PRIMA1: variants seen among roughly 807,000 people sequenced by gnomAD.
PRIMA1 encodes proline rich membrane anchor 1.
A neutral mutation model predicts 17.5 loss-of-function variants in PRIMA1; 7 were observed. The ratio of observed to expected loss-of-function variants is 0.40; its 90% CI spans 0.23 to 0.75. PRIMA1 has a LOEUF of 0.75. Ranked by LOEUF, PRIMA1 falls within the 30% of genes least tolerant of loss-of-function variation. PRIMA1 has a pLI of 0.37. For synonymous variants in PRIMA1, 97 were observed against 77.9 expected (o/e 1.25, Z -1.29); for missense variants, 200 against 201.8 (o/e 0.99, Z 0.05).
At chr14:93,750,407 AAAAC>A (rs2141171812) in intron 3 of PRIMA1, among the ~76,000 whole-genome samples, 1 of 152,304 alleles carries the variant, frequency 6.6e-6, no homozygotes, top group Non-Finnish European at 1.5e-5. Flanking sequence ...ACCCTGTCTC[AAAAC>A]AAACATGACG....
intron 3 of PRIMA1, among the ~76,000 whole-genome samples, chr14:93,755,933 G>A (rs977273822): frequency 2.0e-5 from 3 of 152,116 alleles, no homozygotes; most frequent in African/African-American, 7.2e-5. Flanking sequence ...CAGCGGTTCC[G>A]TGGCCCTACT....
chr14:93,787,996 A>T (rs1885575387), intron 1 of PRIMA1, among the ~76,000 whole-genome samples: 1 of 152,190 alleles, frequency 6.6e-6, no homozygotes, highest in Non-Finnish European at 1.5e-5. Context: ...GCACAGCTCC[A>T]GAATACTGCG....
intron 3 of PRIMA1, among the ~76,000 whole-genome samples, chr14:93,752,968 G>A (rs895190107): frequency 2.0e-5 from 3 of 152,116 alleles, no homozygotes; most frequent in African/African-American, 4.8e-5. Flanking sequence ...AGAATGCCTC[G>A]CAGCATCCCT....
chr14:93,756,223 G>A (rs748328633), intron 3 of PRIMA1, among the ~76,000 whole-genome samples: 2 of 152,124 alleles, frequency 1.3e-5, no homozygotes, highest in Non-Finnish European at 2.9e-5. Flanking sequence ...AAATATCTTT[G>A]ATTTTAAATA....
rs2076075128 is a variant in PRIMA1 at position 93,726,223 on chromosome 14, C to A, written c.360-4677G>T. ...GGCCCCTGCAGAAACTGTGCCTCCA[C>A]CGGCATCTTTGGCCTGGGCAAGGAG... On this transcript the variant is annotated intron_variant, in intron 4 of 4. Transcript: ENST00000393140. The surrounding 1 kb of genome is among the most constrained non-coding windows in gnomAD (Gnocchi z 4.2). 6.6e-6 allele frequency among the ~76,000 whole-genome samples: 1 copy of A among 152,170 alleles called. No homozygotes were observed.
At chr14:93,747,487 G>A (rs949247723) in intron 3 of PRIMA1, among the ~76,000 whole-genome samples, 3 of 152,186 alleles carry the variant, frequency 2.0e-5, no homozygotes, top group East Asian at 1.9e-4. Context: ...GCATCGTGGA[G>A]CCATATCTGG....
chr14:93,737,523 AC>A (rs2076157973), intron 3 of PRIMA1, among the ~76,000 whole-genome samples, 153 bp from the exon 4 acceptor site: 3 of 150,742 alleles, frequency 2.0e-5, no homozygotes, highest in African/African-American at 5.0e-5. Flanking sequence ...TGGGGAGGTC[AC>A]TGGTGGGACC....
intron 3 of PRIMA1, among the ~76,000 whole-genome samples, chr14:93,776,540 A>G (rs57104772): frequency 0.02 from 3,014 of 152,086 alleles, 100 homozygotes; most frequent in African/African-American, 0.068. Context: ...CTCAACCCCA[A>G]TCCACTCCAA....
rs1283893688 is a variant in PRIMA1 at position 93,788,404 on chromosome 14, C to T, written c.-32+6G>A. Reference sequence around the variant, plus strand: ...CCGCCCGCACCCTTCCAACGCCTCACGCTACCTTGCCTGGCGGCGGCCCCA... The same window carrying T: ...CCGCCCGCACCCTTCCAACGCCTCATGCTACCTTGCCTGGCGGCGGCCCCA... On this transcript the variant is annotated splice_donor_region_variant and intron_variant, in intron 1 of 4. Transcript: ENST00000393140. 6.6e-6 allele frequency: 1 copy of T among 152,482 alleles called. No homozygotes were observed. The highest frequency in any genetic ancestry group is 2.4e-5 in the African/African-American group (1 of 41,472). 9.4% of individuals were successfully genotyped at this position (152,482 alleles called of 1,614,324 possible).
chr14:93,749,028 C>T (rs904031925), intron 3 of PRIMA1, among the ~76,000 whole-genome samples: 4 of 152,110 alleles, frequency 2.6e-5, no homozygotes, highest in African/African-American at 9.7e-5. Context: ...ACACGTCCCC[C>T]TTGTTTTTGC....
rs1359960300 is a variant in PRIMA1, at chr14:93,719,987, GGT to G, written c.*1455_*1456del. On this transcript the variant is annotated 3_prime_UTR_variant, in exon 5 of 5. Coordinates refer to ENST00000393140, the MANE Select transcript of PRIMA1 (RefSeq NM_178013.4). ...CGGCCCAAATGGGGACCGGTTTTCA[GGT>G]GTGTCTGTCTTCTCTGGACTTCAAA... 6.6e-6 allele frequency: 1 copy of G among 152,218 alleles called. No individual in the cohort carries two copies. The highest frequency in any genetic ancestry group is 1.5e-5 in the Non-Finnish European group (1 of 68,070). The allele number at this position is 152,218 out of a possible 1,614,324, so 9.4% of individuals were successfully genotyped here. A position where few individuals can be genotyped will look rare whatever the true frequency, so the allele number is the denominator to read the frequency against.
chr14:93,728,325 C>T (rs74073899), intron 4 of PRIMA1, among the ~76,000 whole-genome samples: 15 of 152,136 alleles, frequency 9.9e-5, no homozygotes, highest in South Asian at 4.1e-4. Context: ...AAGAACCAGG[C>T]GTCGAGGGAG....
chr14:93,748,216 G>C (rs934041446), intron 3 of PRIMA1, among the ~76,000 whole-genome samples: 2 of 152,252 alleles, frequency 1.3e-5, no homozygotes, highest in South Asian at 4.1e-4. Flanking sequence ...CCCGGTGTGT[G>C]TGATAAAGTG....
chr14:93,737,886 T>TA (rs1052936243), intron 3 of PRIMA1, among the ~76,000 whole-genome samples: 4 of 133,988 alleles, frequency 3.0e-5, no homozygotes, highest in South Asian at 4.5e-4. Context: ...TAATTCCCCA[T>TA]AAAAAATAAC....
At chr14:93,744,505 A>G (rs557314481) in intron 3 of PRIMA1, among the ~76,000 whole-genome samples, 6 of 152,330 alleles carry the variant, frequency 3.9e-5, no homozygotes, top group African/African-American at 1.4e-4. Context: ...CCCGAAGGCA[A>G]CCAGAGCATG....
At chr14:93,757,552 G>A (rs1270044479) in intron 3 of PRIMA1, among the ~76,000 whole-genome samples, 1 of 152,236 alleles carries the variant, frequency 6.6e-6, no homozygotes, top group African/African-American at 2.4e-5. Flanking sequence ...CAGGGTTCCG[G>A]CCTGGGGTGG....
intron 3 of PRIMA1, among the ~76,000 whole-genome samples, chr14:93,775,668 T>C (rs1885195846): frequency 6.6e-6 from 1 of 152,246 alleles, no homozygotes; most frequent in Non-Finnish European, 1.5e-5. Flanking sequence ...TGCAGGGTTC[T>C]GGGCTGAGCT....
intron 3 of PRIMA1, among the ~76,000 whole-genome samples, chr14:93,774,054 C>T (rs1320140311): frequency 4.6e-5 from 7 of 151,862 alleles, no homozygotes; most frequent in South Asian, 2.1e-4. Flanking sequence ...ATCACAGCAC[C>T]GCACTTCAGC....
intron 4 of PRIMA1, among the ~76,000 whole-genome samples, chr14:93,731,419 G>C (rs557717951): frequency 1.4e-4 from 21 of 152,288 alleles, no homozygotes; most frequent in African/African-American, 4.8e-4. Flanking sequence ...AAGACAGGGG[G>C]CTGCTGTCTT....
Sources: allele counts gnomAD v4.1 joint callset (sites outside exome capture counted in the v4.1 genomes callset), GRCh38; gene constraint gnomAD v4.1.1; non-coding constraint Gnocchi (gnomAD v3.1); transcripts MANE v1.5; gene names NCBI Gene and HGNC (gene_info 2026-07-23, HGNC 2026-07-21).